Variants in ITSN1 observed in about 807,000 individuals in gnomAD.
The protein encoded by ITSN1 is intersectin-1.
ITSN1 carries 58 observed loss-of-function variants against 239.8 expected under a neutral mutation model. That is an observed-to-expected ratio of 0.24 (90% confidence interval 0.20 to 0.30). The LOEUF is 0.30. Ranked by LOEUF, ITSN1 falls within the 10% of genes least tolerant of loss-of-function variation. The pLI is 1.00. For synonymous variants in ITSN1, 780 were observed against 770.8 expected (o/e 1.01, Z -0.20); for missense variants, 1,558 against 2,103.3 (o/e 0.74, Z 5.07).
intron 16 of ITSN1, among the ~76,000 whole-genome samples, chr21:33,784,010 C>T (rs1456042850): frequency 1.3e-5 from 2 of 152,222 alleles, no homozygotes; most frequent in Non-Finnish European, 2.9e-5. Context: ...TTGACTATGG[C>T]TGCTTTCAGT....
chr21:33,849,649 A>G (rs760953351), intron 29 of ITSN1, among the ~76,000 whole-genome samples: 1 of 152,188 alleles, frequency 6.6e-6, no homozygotes, highest in Non-Finnish European at 1.5e-5. Flanking sequence ...TTTAAAAATA[A>G]CTAAAACAGT....
At chr21:33,824,253 A>G (rs1349490354) in intron 25 of ITSN1, among the ~76,000 whole-genome samples, 1 of 152,166 alleles carries the variant, frequency 6.6e-6, no homozygotes, top group African/African-American at 2.4e-5. Flanking sequence ...TAGAGCCCTA[A>G]AAATTTGATC....
chr21:33,848,421 A>G (rs2075051139), intron 29 of ITSN1, among the ~76,000 whole-genome samples: 1 of 152,152 alleles, frequency 6.6e-6, no homozygotes. Flanking sequence ...ACCATGAGGA[A>G]GTATATGTTG....
intron 5 of ITSN1, among the ~76,000 whole-genome samples, chr21:33,738,508 TCTC>T (rs2066639183): frequency 6.6e-6 from 1 of 151,620 alleles, no homozygotes; most frequent in Non-Finnish European, 1.5e-5. Context: ...TTCAAGCAAT[TCTC>T]CTTCGTCAGC....
intron 29 of ITSN1, among the ~76,000 whole-genome samples, chr21:33,851,081 T>C (rs1174498970): frequency 6.6e-6 from 1 of 152,218 alleles, no homozygotes; most frequent in African/African-American, 2.4e-5. Context: ...CTTATTGCTC[T>C]CTCTCCTGGT....
At chr21:33,751,149 A>C (rs899903382) in intron 6 of ITSN1, among the ~76,000 whole-genome samples, 1 of 152,188 alleles carries the variant, frequency 6.6e-6, no homozygotes, top group Non-Finnish European at 1.5e-5. Context: ...CATCTTGCAT[A>C]TATGACCATG....
chr21:33,688,262 G>C (rs1267248979), intron 1 of ITSN1, among the ~76,000 whole-genome samples: 1 of 151,980 alleles, frequency 6.6e-6, no homozygotes, highest in Non-Finnish European at 1.5e-5. Context: ...AACGTATGTG[G>C]GTTCAAGATC....
At chr21:33,885,614 C>G in intron 38 of ITSN1, 92 bp downstream of exon 38, 1 of 922,220 alleles carries the variant, frequency 1.1e-6, no homozygotes, top group South Asian at 1.3e-5. Flanking sequence ...ATCAAATGTG[C>G]TATTTCCATA....
At chr21:33,666,039 G>A (rs1192747242) in intron 1 of ITSN1, among the ~76,000 whole-genome samples, 1 of 151,182 alleles carries the variant, frequency 6.6e-6, no homozygotes, top group Non-Finnish European at 1.5e-5. Context: ...AGCTATTCTC[G>A]TGCCTGAGCC....
chr21:33,883,585 C>T lies in ITSN1; in HGVS notation c.4590C>T (p.Pro1530=). 6.2e-7 allele frequency: 1 copy of T among 1,613,812 alleles called. No homozygotes were observed. Among genetic ancestry groups the T allele is most frequent in the Non-Finnish European group, 8.5e-7 (1 of 1,179,780 alleles). Residue 1530 remains proline, a synonymous_variant, in exon 36 of 40, where the codon CCC becomes CCT. Transcript: ENST00000381318. ...TAAATGAGGTTCTAGTAAAATTACC[C>T]ACCGACCCTTCTGGAGACGAGCCCA... is the stretch of plus-strand genomic sequence containing the variant. ...IFLNEVLVKL[P]TDPSGDEPIF...
intron 1 of ITSN1, among the ~76,000 whole-genome samples, chr21:33,695,217 A>G (rs1047311379): frequency 6.6e-6 from 1 of 152,232 alleles, no homozygotes; most frequent in Non-Finnish European, 1.5e-5. Context: ...TCTTTGCTCT[A>G]ACAGTATTAA....
chr21:33,813,862 T>A (rs369575785), intron 21 of ITSN1, 51 bp from the exon 22 acceptor site: 4 of 1,486,564 alleles, frequency 2.7e-6, no homozygotes, highest in East Asian at 4.7e-5. Context: ...GGTAAAAAGC[T>A]GGTATATTAG....
At position 33,734,029 on chromosome 21, in the gene ITSN1, G is replaced by T. The variant is rs115187601; in HGVS notation, c.186-1015G>T. Among the ~76,000 whole-genome samples, 1,094 of 152,052 alleles carry T rather than the reference G, an allele frequency of 7.2e-3. 14 individuals are homozygous for T. The highest frequency in any genetic ancestry group is 0.025 in the African/African-American group (1,041 of 41,478). ...AATTTTCTTTTGTGAACACTGTCCG[G>T]ATATGGCTCAGTCTAAAAGATCATG... On this transcript the variant is annotated intron_variant, in intron 4 of 39. Coordinates refer to ENST00000381318, the MANE Select transcript of ITSN1 (RefSeq NM_003024.3).
chr21:33,721,187 A>C lies in ITSN1; in HGVS notation c.38A>C (p.Asp13Ala), dbSNP rs1393630174. The change falls in exon 3 of 40, where the codon GAT becomes GCT. Residue 13 changes from aspartate to alanine, a missense_variant. By Grantham distance (126) the Asp-to-Ala change is moderately radical (BLOSUM62 -2). This residue lies in a region of ITSN1 where 982 missense variants were observed against 1,209.9 expected (regional missense o/e 0.81). Transcript: ENST00000381318. ...TTTCTTTGGATTTTAGGCAGCCTGG[A>C]TATCTGGGCCATAACTGTAGAGGAA... ...QFPTPFGGSL[D>A]IWAITVEERA... 6.2e-7 allele frequency: 1 copy of C among 1,612,544 alleles called. No homozygotes were observed. Among genetic ancestry groups the C allele is most frequent in the Non-Finnish European group, 8.5e-7 (1 of 1,178,626 alleles).
chr21:33,764,147 C>T (rs2068557615), intron 9 of ITSN1, among the ~76,000 whole-genome samples: 1 of 152,182 alleles, frequency 6.6e-6, no homozygotes, highest in Non-Finnish European at 1.5e-5. Flanking sequence ...AGGTTGTTCT[C>T]ATGATACCAG....
At chr21:33,836,090 G>A (rs2074585821) in intron 28 of ITSN1, among the ~76,000 whole-genome samples, 1 of 152,204 alleles carries the variant, frequency 6.6e-6, no homozygotes, top group African/African-American at 2.4e-5. Context: ...GCAGAAGATA[G>A]GATGGGGTTG....
At chr21:33,763,229 CAAAAAAA>C (rs71322243) in intron 9 of ITSN1, among the ~76,000 whole-genome samples, 5 of 69,860 alleles carry the variant, frequency 7.2e-5, no homozygotes, top group Admixed American at 2.0e-4. Context: ...GCCCCCCAAC[CAAAAAAA>C]AAAAAAAAAA....
chr21:33,760,734 C>T (rs994276001), intron 8 of ITSN1, among the ~76,000 whole-genome samples: 7 of 152,232 alleles, frequency 4.6e-5, no homozygotes, highest in Admixed American at 3.9e-4. Flanking sequence ...GATGAGGTGA[C>T]GTTTGAATAA....
intron 1 of ITSN1, among the ~76,000 whole-genome samples, chr21:33,670,363 A>G (rs953503031): frequency 4.6e-5 from 7 of 152,182 alleles, no homozygotes; most frequent in Non-Finnish European, 7.4e-5. Flanking sequence ...CCAGAAAACA[A>G]AACAAAACAA....
Sources: gnomAD v4.1 joint callset for allele counts (sites outside exome capture counted in the v4.1 genomes callset) on GRCh38, gnomAD v4.1.1 for gene constraint, gnomAD v4.1.1 regional missense constraint, MANE v1.5 for transcripts, NCBI Gene and HGNC (gene_info 2026-07-23, HGNC 2026-07-21) for gene names.